MGMT: variants seen among roughly 807,000 people sequenced by gnomAD.
The protein encoded by MGMT is methylated-DNA--protein-cysteine methyltransferase.
MGMT carries 14 observed loss-of-function variants against 15.9 expected under a neutral mutation model. That is an observed-to-expected ratio of 0.88 (90% CI 0.58 to 1.37). The LOEUF (loss-of-function observed/expected upper bound fraction) is 1.37, where lower values mean the gene tolerates loss of function less well. Among genes scored for constraint, MGMT ranks in the 40% most tolerant of loss-of-function variants. The probability of loss-of-function intolerance (pLI) is 0.00; values close to 1 mark genes in which losing one functional copy is unlikely to be tolerated. For missense variants in MGMT, 282 were observed against 268.1 expected, an observed-to-expected ratio of 1.05 and a Z score of -0.36; for synonymous variants, 130 against 118.2, an observed-to-expected ratio of 1.10 and a Z score of -0.65.
chr10:129,557,812 G>A (rs990064580), intron 2 of MGMT, among the ~76,000 whole-genome samples: 2 of 152,156 alleles, frequency 1.3e-5, no homozygotes, highest in East Asian at 1.9e-4. Flanking sequence ...GGATGCCTAG[G>A]TTTGTAGTCA....
intron 2 of MGMT, among the ~76,000 whole-genome samples, chr10:129,680,241 A>G (rs1382595609): frequency 2.6e-5 from 4 of 152,198 alleles, no homozygotes; most frequent in Admixed American, 2.0e-4. Flanking sequence ...GTACAAGCTG[A>G]GGAAAGCCAA....
intron 2 of MGMT, among the ~76,000 whole-genome samples, chr10:129,554,685 A>C (rs1846193480): frequency 1.3e-5 from 2 of 152,108 alleles, no homozygotes; most frequent in South Asian, 2.1e-4. Context: ...TCTGAAATCA[A>C]ATGTGACCCT....
intron 3 of MGMT, among the ~76,000 whole-genome samples, chr10:129,717,405 G>T (rs991746875): frequency 6.6e-6 from 1 of 152,078 alleles, no homozygotes; most frequent in African/African-American, 2.4e-5. Flanking sequence ...GTGGGACCTG[G>T]GTATTGGAAC....
chr10:129,708,387 G>T (rs957911952), intron 3 of MGMT, among the ~76,000 whole-genome samples: 1 of 152,182 alleles, frequency 6.6e-6, no homozygotes, highest in South Asian at 2.1e-4. Flanking sequence ...CTATCTGCTT[G>T]CCAACAGCAC....
intron 3 of MGMT, among the ~76,000 whole-genome samples, chr10:129,740,975 G>A (rs982898148): frequency 5.3e-5 from 8 of 152,156 alleles, no homozygotes; most frequent in South Asian, 2.1e-4. Flanking sequence ...TTTCCCTAAC[G>A]TTGCTCAAAC....
intron 2 of MGMT, among the ~76,000 whole-genome samples, chr10:129,553,878 T>TG (rs894087769): frequency 2.6e-5 from 4 of 152,212 alleles, no homozygotes; most frequent in African/African-American, 9.6e-5. Context: ...TCTGCCTCAC[T>TG]GAGCGGGTAT....
chr10:129,631,689 T>C (rs1847211371), intron 2 of MGMT, among the ~76,000 whole-genome samples: 6 of 152,068 alleles, frequency 3.9e-5, no homozygotes, highest in Admixed American at 3.9e-4. Context: ...CTGGGTGAGA[T>C]GGTGTGCACC....
chr10:129,569,629 C>G (rs1846394762), intron 2 of MGMT, among the ~76,000 whole-genome samples: 1 of 152,152 alleles, frequency 6.6e-6, no homozygotes, highest in Non-Finnish European at 1.5e-5. Flanking sequence ...GGGACCATGA[C>G]TGTGGGCCAG....
At chr10:129,530,177 A>G (rs888099348) in intron 1 of MGMT, among the ~76,000 whole-genome samples, 5 of 150,808 alleles carry the variant, frequency 3.3e-5, no homozygotes, top group Admixed American at 2.0e-4. Context: ...TTCTGGGATT[A>G]CGGGTGTGAG....
chr10:129,520,364 C>G (rs185124206), intron 1 of MGMT, among the ~76,000 whole-genome samples: 2 of 152,210 alleles, frequency 1.3e-5, no homozygotes, highest in Admixed American at 1.3e-4. Flanking sequence ...CTGGAGTGTC[C>G]CATTGTATGC....
intron 2 of MGMT, chr10:129,537,289 A>G (rs564450353): frequency 6.6e-6 from 1 of 152,346 alleles, no homozygotes; most frequent in African/African-American, 2.4e-5. Context: ...CGAGACAGCC[A>G]TAATGAGCAC....
At chr10:129,608,523 G>A (rs1449517300) in intron 2 of MGMT, among the ~76,000 whole-genome samples, 1 of 152,246 alleles carries the variant, frequency 6.6e-6, no homozygotes, top group Admixed American at 6.5e-5. Context: ...AATGTATTCT[G>A]TTGGAAAACT....
chr10:129,469,764 T>G (rs2119608947), intron 1 of MGMT, among the ~76,000 whole-genome samples: 1 of 152,312 alleles, frequency 6.6e-6, no homozygotes, highest in South Asian at 2.1e-4. Flanking sequence ...TGGAGTGCAG[T>G]GGTGAGATCA....
intron 2 of MGMT, among the ~76,000 whole-genome samples, chr10:129,541,993 C>T (rs553876269): frequency 6.6e-6 from 1 of 152,178 alleles, no homozygotes; most frequent in African/African-American, 2.4e-5. Context: ...CTAGGCTGGC[C>T]TGACCCTAGA....
At chr10:129,694,297 C>G (rs1848004772) in intron 2 of MGMT, 1 of 152,288 alleles carries the variant, frequency 6.6e-6, no homozygotes, top group South Asian at 2.1e-4. Context: ...TCTTCCTTGT[C>G]CTGGCTGTCA....
At chr10:129,625,217 A>G (rs1248169130) in intron 2 of MGMT, among the ~76,000 whole-genome samples, 1 of 152,264 alleles carries the variant, frequency 6.6e-6, no homozygotes, top group African/African-American at 2.4e-5. Flanking sequence ...AAAATTGAAA[A>G]TTAAAAATCT....
chr10:129,511,289 T>A (rs1027094925), intron 1 of MGMT, among the ~76,000 whole-genome samples: 3 of 150,934 alleles, frequency 2.0e-5, no homozygotes, highest in Non-Finnish European at 4.4e-5. Context: ...GGGAACCTGG[T>A]ATACCAGATG....
intron 3 of MGMT, among the ~76,000 whole-genome samples, chr10:129,735,138 A>G (rs1848545313): frequency 1.3e-5 from 2 of 152,192 alleles, no homozygotes; most frequent in African/African-American, 4.8e-5. Context: ...AAGCAATGGT[A>G]CCAGTTCCTC....
intron 2 of MGMT, among the ~76,000 whole-genome samples, chr10:129,626,160 G>A (rs1364251282): frequency 1.3e-5 from 2 of 152,130 alleles, no homozygotes; most frequent in Non-Finnish European, 2.9e-5. Flanking sequence ...GAACTGCTCC[G>A]CGCTTGGGAA....
Sources: gnomAD v4.1 joint callset for allele counts (sites outside exome capture counted in the v4.1 genomes callset) on GRCh38, gnomAD v4.1.1 for gene constraint, MANE v1.5 for transcripts, NCBI Gene and HGNC (gene_info 2026-07-23, HGNC 2026-07-21) for gene names.